The following GLYR1 variants were observed in gnomAD, a reference collection of about 807,000 sequenced individuals.
The protein encoded by GLYR1 is cytokine-like nuclear factor N-PAC.
Under a neutral mutation model 72.7 loss-of-function variants are expected in GLYR1, and 21 were observed. The ratio of observed to expected loss-of-function variants is 0.29; its 90% confidence interval spans 0.20 to 0.42. The LOEUF (loss-of-function observed/expected upper bound fraction) is 0.42. Among genes scored for constraint, GLYR1 ranks in the 10% least tolerant of loss-of-function variants. The probability of loss-of-function intolerance (pLI) is 1.00; values close to 1 mark genes in which losing one functional copy is unlikely to be tolerated. For missense variants in GLYR1, 594 were observed against 712.1 expected, an observed-to-expected ratio of 0.83 and a Z score of 1.89; for synonymous variants, 392 against 270.2, an observed-to-expected ratio of 1.45 and a Z score of -4.42.
chr16:4,837,238 C>G (rs1567791737), intron 3 of GLYR1, among the ~76,000 whole-genome samples: 3 of 152,200 alleles, frequency 2.0e-5, no homozygotes, highest in Admixed American at 6.5e-5. Flanking sequence ...TCGACACCAG[C>G]CTGGCCAACA....
chr16:4,845,665 G>A (rs891406887), intron 2 of GLYR1, among the ~76,000 whole-genome samples: 1 of 152,082 alleles, frequency 6.6e-6, no homozygotes, highest in Admixed American at 6.6e-5. Context: ...CACCTCCCGG[G>A]CTCCAAGCAA....
At chr16:4,846,984 C>G (rs924974925) in intron 1 of GLYR1, 20 of 542,480 alleles carry the variant, frequency 3.7e-5, no homozygotes, top group East Asian at 6.8e-5. Flanking sequence ...GCCCCGAGTG[C>G]AGACCCCACC....
At chr16:4,841,321 C>G (rs568726198) in intron 3 of GLYR1, among the ~76,000 whole-genome samples, 11 of 151,468 alleles carry the variant, frequency 7.3e-5, no homozygotes, top group Non-Finnish European at 1.5e-4. Context: ...AGTCTTTTAG[C>G]ATTAAAAAAA....
chr16:4,845,596 G>C (rs1346468837), intron 2 of GLYR1, among the ~76,000 whole-genome samples: 1 of 151,958 alleles, frequency 6.6e-6, no homozygotes, highest in Non-Finnish European at 1.5e-5. Flanking sequence ...AGGACATAGT[G>C]AAAACAAAGG....
chr16:4,813,484 T>A (rs757854519), intron 12 of GLYR1, among the ~76,000 whole-genome samples: 1 of 152,106 alleles, frequency 6.6e-6, no homozygotes, highest in Non-Finnish European at 1.5e-5. Context: ...GCGGCCTGGG[T>A]TGCTTCTCAT....
chr16:4,826,981 G>A (rs1334093498), intron 5 of GLYR1, among the ~76,000 whole-genome samples: 1 of 152,214 alleles, frequency 6.6e-6, no homozygotes, highest in Non-Finnish European at 1.5e-5. Context: ...GATTTTGGGA[G>A]AGTCACAGAA....
At chr16:4,823,789 C>A in intron 6 of GLYR1, 32 bp downstream of exon 6, 1 of 1,574,326 alleles carries the variant, frequency 6.4e-7, no homozygotes, top group Non-Finnish European at 8.7e-7. Context: ...CCCTAAGCCA[C>A]AGCTTGTCCT....
At chr16:4,810,699 TAAAAAAAAA>T (rs551202037) in intron 15 of GLYR1, among the ~76,000 whole-genome samples, 4,889 of 21,288 alleles carry the variant, frequency 0.23, 150 homozygotes, top group East Asian at 0.41. Flanking sequence ...CTGTCTCTAC[TAAAAAAAAA>T]AAAAAAAAAA....
At chr16:4,825,464 T>C (rs2084319863) in intron 5 of GLYR1, among the ~76,000 whole-genome samples, 1 of 152,236 alleles carries the variant, frequency 6.6e-6, no homozygotes, top group African/African-American at 2.4e-5. Flanking sequence ...TGCTGAAATG[T>C]CACCTTATCA....
intron 9 of GLYR1, chr16:4,817,901 C>A (rs2083750834): frequency 5.5e-6 from 3 of 547,918 alleles, no homozygotes; most frequent in Non-Finnish European, 9.8e-6. Flanking sequence ...AAAGCTGTCC[C>A]AGGATGTAAA....
intron 3 of GLYR1, chr16:4,839,896 C>A (rs1309384309): frequency 6.6e-6 from 1 of 152,160 alleles, no homozygotes; most frequent in Non-Finnish European, 1.5e-5. Flanking sequence ...CATCTTTGAC[C>A]AAATCCTGTA....
chr16:4,844,959 A>G, intron 3 of GLYR1, 115 bp downstream of exon 3: 1 of 730,288 alleles, frequency 1.4e-6, no homozygotes, highest in Non-Finnish European at 2.4e-6. Flanking sequence ...AGATGCCAGT[A>G]TTACACATTA....
chr16:4,833,062 C>G (rs981861925), intron 3 of GLYR1, 150 bp from the exon 4 acceptor site: 2 of 610,720 alleles, frequency 3.3e-6, no homozygotes, highest in African/African-American at 3.8e-5. Context: ...ATGCTATCAA[C>G]CATCTCAGAG....
intron 10 of GLYR1, among the ~76,000 whole-genome samples, 193 bp from the exon 11 acceptor site, chr16:4,814,840 T>A (rs2083537483): frequency 6.6e-6 from 1 of 152,154 alleles, no homozygotes; most frequent in African/African-American, 2.4e-5. Context: ...CATCTTCAGT[T>A]TTTGCATGAC....
chr16:4,824,760 T>C (rs1034251834), intron 5 of GLYR1, among the ~76,000 whole-genome samples: 8 of 151,940 alleles, frequency 5.3e-5, no homozygotes, highest in African/African-American at 1.9e-4. Context: ...GGGCAAAGGG[T>C]CCTCTTTCCA....
chr16:4,824,898 T>C (rs1196842930), intron 5 of GLYR1, among the ~76,000 whole-genome samples: 1 of 152,136 alleles, frequency 6.6e-6, no homozygotes, highest in Non-Finnish European at 1.5e-5. Context: ...TGAGGTTTTC[T>C]CAGTCTTAGA....
chr16:4,806,940 G>C, intron 15 of GLYR1, among the ~76,000 whole-genome samples: 1 of 150,060 alleles, frequency 6.7e-6, no homozygotes, highest in Non-Finnish European at 1.5e-5. Context: ...CCGAGTAGCT[G>C]GGACTACAGG....
chr16:4,810,239 G>A (rs371594708), intron 15 of GLYR1, among the ~76,000 whole-genome samples: 2 of 127,824 alleles, frequency 1.6e-5, no homozygotes, highest in African/African-American at 5.2e-5. Flanking sequence ...GCTCACACCT[G>A]TAATCCCAGC....
intron 3 of GLYR1, among the ~76,000 whole-genome samples, chr16:4,842,068 T>C (rs946871240): frequency 3.6e-4 from 55 of 152,072 alleles, no homozygotes; most frequent in African/African-American, 1.2e-3. Flanking sequence ...GGTGAAACCC[T>C]GCCTCTACTG....
Sources: gnomAD v4.1 joint callset for allele counts (sites outside exome capture counted in the v4.1 genomes callset) on GRCh38, gnomAD v4.1.1 for gene constraint, MANE v1.5 for transcripts, NCBI Gene and HGNC (gene_info 2026-07-23, HGNC 2026-07-21) for gene names.